The following CTNNBIP1 variants were observed in gnomAD, a reference collection of about 807,000 sequenced individuals.
The protein encoded by CTNNBIP1 is beta-catenin-interacting protein 1.
CTNNBIP1 carries 7 observed loss-of-function variants against 11.8 expected under a neutral mutation model. The ratio of observed to expected loss-of-function variants is 0.60; its 90% CI spans 0.34 to 1.12. The LOEUF is 1.12. Ranked by LOEUF, CTNNBIP1 falls within the 50% of genes most tolerant of loss-of-function variation. The pLI, the probability that CTNNBIP1 is intolerant of heterozygous loss-of-function variation, is 0.03. For missense variants in CTNNBIP1, 101 were observed against 113.4 expected, an observed-to-expected ratio of 0.89 and a Z score of 0.50; for synonymous variants, 58 against 43.9, an observed-to-expected ratio of 1.32 and a Z score of -1.26.
intron 5 of CTNNBIP1, among the ~76,000 whole-genome samples, chr1:9,865,511 G>A (rs940383934): frequency 1.0e-4 from 15 of 150,362 alleles, no homozygotes; most frequent in African/African-American, 3.7e-4. Context: ...AGCTGAGGCA[G>A]GAGAATGGCA....
At chr1:9,908,456 T>C (rs575065269) in intron 1 of CTNNBIP1, among the ~76,000 whole-genome samples, 6 of 147,800 alleles carry the variant, frequency 4.1e-5, no homozygotes, top group African/African-American at 1.0e-4. Context: ...TCACTGCAAG[T>C]TCCACCTCCC....
chr1:9,885,534 T>C (rs994440792), intron 1 of CTNNBIP1, among the ~76,000 whole-genome samples: 16 of 152,096 alleles, frequency 1.1e-4, no homozygotes, highest in Admixed American at 9.2e-4. Context: ...GTCACAGTTA[T>C]TCTGGAGGCT....
At position 9,892,283 on chromosome 1, in the gene CTNNBIP1, G is replaced by A. The variant is rs182706538; in HGVS notation, c.-143-8545C>T. 1.3e-3 allele frequency among the ~76,000 whole-genome samples: 203 copies of A among 152,200 alleles called. 1 individual carries two copies. The highest frequency in any genetic ancestry group is 4.5e-3 in the African/African-American group (189 of 41,548). On this transcript the variant is annotated intron_variant, in intron 1 of 5. Transcript: ENST00000377263. ...TAAAAATACAAAAAATTAGCCAGGCGTGGTGGTGGGTGCCTGTGGTCCCAG... is the reference window on the plus strand; with the variant it reads ...TAAAAATACAAAAAATTAGCCAGGCATGGTGGTGGGTGCCTGTGGTCCCAG...
At chr1:9,891,997 G>A (rs866849395) in intron 1 of CTNNBIP1, among the ~76,000 whole-genome samples, 1 of 151,934 alleles carries the variant, frequency 6.6e-6, no homozygotes. Context: ...GTAGGGACAG[G>A]GTTTTGCCAT....
At chr1:9,865,268 A>G (rs1638719406) in intron 5 of CTNNBIP1, among the ~76,000 whole-genome samples, 1 of 151,002 alleles carries the variant, frequency 6.6e-6, no homozygotes. Flanking sequence ...TTATTTAAGA[A>G]CACAGTGAAA....
rs1198788255 is a variant in CTNNBIP1, at chr1:9,871,236, C to G, written c.138G>C (p.Gly46=). 1.9e-6 allele frequency: 3 copies of G among 1,581,914 alleles called. No homozygotes were observed. The highest frequency in any genetic ancestry group is 2.7e-5 in the African/African-American group (2 of 74,676). The change falls in exon 5 of 6, where the codon GGG becomes GGC. Residue 46 remains glycine (G), a synonymous_variant. Transcript: ENST00000377263. The surrounding 1 kb of genome is among the most constrained non-coding windows in gnomAD (Gnocchi z 5.2). ...GCTGGCTGAGCTGGCTGTTGACCACCCCTGCATAGGTGCGCAGGAACTCCT... is the reference window on the plus strand; with the variant it reads ...GCTGGCTGAGCTGGCTGTTGACCACGCCTGCATAGGTGCGCAGGAACTCCT... ...SEEEFLRTYA[G]VVNSQLSQLP...
chr1:9,905,107 T>G (rs1226363772), intron 1 of CTNNBIP1, among the ~76,000 whole-genome samples: 3 of 152,328 alleles, frequency 2.0e-5, no homozygotes, highest in East Asian at 1.9e-4. Flanking sequence ...TGTCTTTTAG[T>G]GTGGACTCAA....
chr1:9,877,504 CAT>C (rs892659903), intron 3 of CTNNBIP1, among the ~76,000 whole-genome samples: 2 of 152,246 alleles, frequency 1.3e-5, no homozygotes, highest in South Asian at 2.1e-4. Context: ...CCTTCAGACA[CAT>C]GAGCTGCCTC....
At chr1:9,870,350 G>A (rs1414269679) in intron 5 of CTNNBIP1, among the ~76,000 whole-genome samples, 1 of 152,230 alleles carries the variant, frequency 6.6e-6, no homozygotes, top group Non-Finnish European at 1.5e-5. Context: ...TGTGTCATGA[G>A]AAGCCTTCTA....
chr1:9,855,491 T>C (rs1012592950), intron 5 of CTNNBIP1, among the ~76,000 whole-genome samples: 2 of 152,168 alleles, frequency 1.3e-5, no homozygotes, highest in African/African-American at 4.8e-5. Context: ...CTCCAACTTA[T>C]GGCCAGTTGA....
intron 1 of CTNNBIP1, among the ~76,000 whole-genome samples, chr1:9,887,993 T>C (rs1639219999): frequency 1.3e-5 from 2 of 151,618 alleles, no homozygotes; most frequent in African/African-American, 4.8e-5. Flanking sequence ...CCAGCTAATT[T>C]TTGTATTCTT....
At chr1:9,894,052 T>C (rs902752904) in intron 1 of CTNNBIP1, among the ~76,000 whole-genome samples, 6 of 152,202 alleles carry the variant, frequency 3.9e-5, no homozygotes, top group Admixed American at 1.3e-4. Context: ...CAAAGTTGTT[T>C]TTTTTTCTTC....
chr1:9,857,875 A>T (rs1048184263), intron 5 of CTNNBIP1, among the ~76,000 whole-genome samples: 18 of 152,340 alleles, frequency 1.2e-4, no homozygotes, highest in Non-Finnish European at 1.3e-4. Flanking sequence ...AATCAAAAAG[A>T]CAGATGAGAA....
chr1:9,857,479 A>C (rs1359263752), intron 5 of CTNNBIP1, among the ~76,000 whole-genome samples: 1 of 142,154 alleles, frequency 7.0e-6, no homozygotes, highest in Non-Finnish European at 1.5e-5. Flanking sequence ...TGACAGAATG[A>C]GACCCTGTCT....
At chr1:9,895,965 G>C (rs1639400671) in intron 1 of CTNNBIP1, among the ~76,000 whole-genome samples, 1 of 152,112 alleles carries the variant, frequency 6.6e-6, no homozygotes, top group African/African-American at 2.4e-5. Context: ...TAGTATCTTT[G>C]ATATCCACCC....
At chr1:9,857,230 C>T (rs1638524161) in intron 5 of CTNNBIP1, among the ~76,000 whole-genome samples, 1 of 152,032 alleles carries the variant, frequency 6.6e-6, no homozygotes, top group Admixed American at 6.5e-5. Flanking sequence ...CCTGTAATCC[C>T]AGCACTTTGG....
chr1:9,855,255 C>CTT (rs35112494), intron 5 of CTNNBIP1, among the ~76,000 whole-genome samples: 9,450 of 127,322 alleles, frequency 0.074, 1,000 homozygotes, highest in East Asian at 0.22. Context: ...TAAAAATTGC[C>CTT]TTTTTTTTTT....
At chr1:9,892,562 C>T (rs1639327084) in intron 1 of CTNNBIP1, among the ~76,000 whole-genome samples, 1 of 151,016 alleles carries the variant, frequency 6.6e-6, no homozygotes, top group South Asian at 2.1e-4. Context: ...CACTGCACCC[C>T]AGCCTGGGCA....
intron 1 of CTNNBIP1, among the ~76,000 whole-genome samples, chr1:9,908,673 T>C (rs1306238798): frequency 6.6e-6 from 1 of 152,244 alleles, no homozygotes; most frequent in African/African-American, 2.4e-5. Flanking sequence ...CAGATTCTTA[T>C]ATGTAATCTG....
Sources: gnomAD v4.1 joint callset for allele counts (sites outside exome capture counted in the v4.1 genomes callset) on GRCh38, gnomAD v4.1.1 for gene constraint, Gnocchi (gnomAD v3.1) non-coding constraint, MANE v1.5 for transcripts, NCBI Gene and HGNC (gene_info 2026-07-23, HGNC 2026-07-21) for gene names.